The following PCLO variants were observed in gnomAD, a reference collection of about 807,000 sequenced individuals.
PCLO encodes piccolo presynaptic cytomatrix protein, also known as protein piccolo.
In PCLO, 82 loss-of-function variants were observed where a neutral mutation model predicts 427.5. The ratio of observed to expected loss-of-function variants is 0.19; its 90% confidence interval spans 0.16 to 0.23. The LOEUF is 0.23. PCLO is among the 10% of genes least tolerant of loss of function. The pLI is 1.00. For synonymous variants in PCLO, 2,357 were observed against 2,155.4 expected (o/e 1.09, Z -2.59); for missense variants, 6,239 against 6,115.9 (o/e 1.02, Z -0.67).
At chr7:82,853,773 AGTT>A (rs1218302543) in intron 10 of PCLO, among the ~76,000 whole-genome samples, 3 of 152,194 alleles carry the variant, frequency 2.0e-5, no homozygotes, top group African/African-American at 7.2e-5. Context: ...GTTATTTACT[AGTT>A]GTTGTGCCCT....
intron 3 of PCLO, among the ~76,000 whole-genome samples, chr7:83,076,150 C>T (rs893698973): frequency 3.3e-5 from 5 of 151,254 alleles, no homozygotes; most frequent in African/African-American, 9.7e-5. Flanking sequence ...TCATACCTTT[C>T]GCAAGTCTCC....
rs1208487735 is a variant in PCLO at position 82,756,213 on chromosome 7, G to A, written c.*2362C>T. 1 of 151,958 alleles carries A rather than the reference G, an allele frequency of 6.6e-6. No homozygotes were observed. The highest frequency in any genetic ancestry group is 2.4e-5 in the African/African-American group (1 of 41,368). 9.4% of individuals were successfully genotyped at this position (151,958 alleles called of 1,614,324 possible). A position where few individuals can be genotyped will look rare whatever the true frequency, so the allele number is the denominator to read the frequency against. On this transcript the variant is annotated 3_prime_UTR_variant, in exon 25 of 25. Transcript: ENST00000333891. ...AGATGAGTCAGGGTTTTCTTTTAAGGGCAAATACCAGAGCCTTTTTATGTC... is the reference window on the plus strand; with the variant it reads ...AGATGAGTCAGGGTTTTCTTTTAAGAGCAAATACCAGAGCCTTTTTATGTC...
intron 3 of PCLO, among the ~76,000 whole-genome samples, chr7:83,068,525 A>C (rs1789725431): frequency 6.6e-6 from 1 of 152,192 alleles, no homozygotes; most frequent in South Asian, 2.1e-4. Flanking sequence ...AGGTATGTGA[A>C]AAGGTTCTCA....
intron 6 of PCLO, among the ~76,000 whole-genome samples, chr7:82,927,112 C>T (rs2116323257): frequency 6.6e-6 from 1 of 152,208 alleles, no homozygotes; most frequent in Non-Finnish European, 1.5e-5. Context: ...GAGGAGCATT[C>T]ACACTCTAAC....
At chr7:83,101,295 A>G (rs972960268) in intron 3 of PCLO, among the ~76,000 whole-genome samples, 1 of 45,282 alleles carries the variant, frequency 2.2e-5, no homozygotes, top group Non-Finnish European at 4.2e-5. Flanking sequence ...CAGTAAAGAT[A>G]TAAAACAGGA....
rs565746400 is a variant in PCLO at position 83,023,995 on chromosome 7, T to C, written c.3301-57508A>G. 4.6e-5 allele frequency among the ~76,000 whole-genome samples: 7 copies of C among 152,298 alleles called. No individual in the cohort carries two copies. The South Asian group carries it at 1.2e-3, about 27-fold the overall frequency. On this transcript the variant is annotated intron_variant, in intron 3 of 24. Transcript: ENST00000333891. Reference sequence around the variant, plus strand: ...CCCAAGAGCTGACTCATCTTAACCATTCTTTCACTCAGTGATCATTTATTG... The same window carrying C: ...CCCAAGAGCTGACTCATCTTAACCACTCTTTCACTCAGTGATCATTTATTG...
intron 3 of PCLO, among the ~76,000 whole-genome samples, chr7:83,030,472 G>A (rs1283227965): frequency 1.3e-5 from 2 of 152,112 alleles, no homozygotes; most frequent in Non-Finnish European, 2.9e-5. Context: ...AATAGTAAAT[G>A]ACTCTACCCT....
At chr7:82,998,393 AC>A (rs1428510968) in intron 3 of PCLO, among the ~76,000 whole-genome samples, 10 of 21,066 alleles carry the variant, frequency 4.7e-4, no homozygotes, top group East Asian at 7.7e-3. Context: ...TCCTTTAAAA[AC>A]AACAACAACA....
At chr7:82,829,795 G>T (rs1792046637) in intron 16 of PCLO, among the ~76,000 whole-genome samples, 1 of 151,952 alleles carries the variant, frequency 6.6e-6, no homozygotes, top group Non-Finnish European at 1.5e-5. Flanking sequence ...ATTTGTTCAA[G>T]AACATTAATT....
chr7:82,926,020 G>T (rs936804624), intron 6 of PCLO, among the ~76,000 whole-genome samples: 1 of 151,892 alleles, frequency 6.6e-6, no homozygotes, highest in Non-Finnish European at 1.5e-5. Context: ...CCATCCTATT[G>T]CTTCAAGGCA....
At chr7:82,895,635 T>C (rs1793885220) in intron 9 of PCLO, among the ~76,000 whole-genome samples, 1 of 151,938 alleles carries the variant, frequency 6.6e-6, no homozygotes, top group Non-Finnish European at 1.5e-5. Context: ...AATAAAGGGC[T>C]TCACTGTGTG....
rs1794150170 is a variant in PCLO at position 82,949,585 on chromosome 7, C to T, written c.11003G>A (p.Ser3668Asn). The T allele has an allele frequency of 6.2e-7, 1 of 1,613,888 alleles. No individual in the cohort carries two copies. Among genetic ancestry groups the T allele is most frequent in the Non-Finnish European group, 8.5e-7 (1 of 1,179,850 alleles). ...HPDMAKVPPA[S>N]PKTAKMMQRS... ...CTGCATCATCTTGGCTGTCTTAGGA[C>T]TTGCTGGGGGAACTTTAGCCATATC... The change falls in exon 6 of 25, where the codon AGT becomes AAT. Residue 3668 changes from serine (S) to asparagine (N), a missense_variant. Ser to Asn is a conservative substitution (Grantham distance 46). This residue lies in a region of PCLO where 4,677 missense variants were observed against 4,468.4 expected (regional missense o/e 1.05). Coordinates refer to ENST00000333891, the MANE Select transcript of PCLO (RefSeq NM_033026.6).
intron 3 of PCLO, among the ~76,000 whole-genome samples, chr7:83,112,326 G>A (rs1791025045): frequency 6.6e-6 from 1 of 152,148 alleles, no homozygotes; most frequent in Admixed American, 6.5e-5. Context: ...AAAGTGTTGG[G>A]ATTACAGGCG....
intron 22 of PCLO, among the ~76,000 whole-genome samples, chr7:82,780,113 C>T (rs1790841451): frequency 6.6e-6 from 1 of 152,186 alleles, no homozygotes; most frequent in African/African-American, 2.4e-5. Flanking sequence ...AGGAACACCA[C>T]ATTTATAACT....
chr7:83,132,643 T>C (rs1468431302), intron 3 of PCLO, among the ~76,000 whole-genome samples: 3 of 152,080 alleles, frequency 2.0e-5, no homozygotes, highest in African/African-American at 4.8e-5. Flanking sequence ...TACACATATA[T>C]GTAAAATTTT....
rs574854827 is a variant in PCLO, at chr7:82,935,774, G to A, written c.11112+13702C>T. ...ATTATAAATTAAGATTCTATGCCAC[G>A]ACTGGAGTAAGATCATAGAAATGGC... On this transcript the variant is annotated intron_variant, in intron 6 of 24. Coordinates refer to ENST00000333891, the MANE Select transcript of PCLO (RefSeq NM_033026.6). Among the ~76,000 whole-genome samples, 19 of 151,670 alleles carry A rather than the reference G, an allele frequency of 1.3e-4. No homozygotes were observed. In the East Asian group the frequency reaches 1.7e-3, roughly 14 times the overall value.
At chr7:82,772,902 T>C (rs1001352906) in intron 22 of PCLO, among the ~76,000 whole-genome samples, 1 of 152,176 alleles carries the variant, frequency 6.6e-6, no homozygotes, top group Non-Finnish European at 1.5e-5. Context: ...GAGGAAAAAC[T>C]GAAATTGTAA....
intron 3 of PCLO, among the ~76,000 whole-genome samples, chr7:82,971,617 G>A (rs577729892): frequency 5.3e-4 from 77 of 146,522 alleles, no homozygotes; most frequent in African/African-American, 1.4e-3. Flanking sequence ...ATATGATATC[G>A]TATAGATATA....
At chr7:83,078,575 A>T (rs1790015201) in intron 3 of PCLO, among the ~76,000 whole-genome samples, 1 of 147,656 alleles carries the variant, frequency 6.8e-6, no homozygotes, top group Admixed American at 6.8e-5. Flanking sequence ...TCTGTTGTCC[A>T]GGTTGGAGTG....
Sources: allele counts gnomAD v4.1 joint callset (sites outside exome capture counted in the v4.1 genomes callset), GRCh38; gene constraint gnomAD v4.1.1; regional missense constraint gnomAD v4.1.1; transcripts MANE v1.5; gene names NCBI Gene and HGNC (gene_info 2026-07-23, HGNC 2026-07-21).